Variants in TRAPPC9 observed in about 807,000 individuals in gnomAD.
The protein encoded by TRAPPC9 is IKK2 binding protein.
A neutral mutation model predicts 124.0 loss-of-function variants in TRAPPC9; 83 were observed. The observed-to-expected ratio is 0.67, with a 90% CI of 0.56 to 0.80. The LOEUF (loss-of-function observed/expected upper bound fraction) is 0.80, where lower values mean the gene tolerates loss of function less well. TRAPPC9 is among the 30% of genes least tolerant of loss of function. The pLI is 0.00. For synonymous variants in TRAPPC9, 638 were observed against 617.5 expected (o/e 1.03, Z -0.49); for missense variants, 1,302 against 1,508.3 (o/e 0.86, Z 2.27).
At chr8:139,983,855 C>T (rs1027381566) in intron 19 of TRAPPC9, among the ~76,000 whole-genome samples, 1 of 152,196 alleles carries the variant, frequency 6.6e-6, no homozygotes, top group Non-Finnish European at 1.5e-5. Context: ...GGATGTCAGA[C>T]AGACGGGGTT....
chr8:139,938,959 A>C (rs1211691358), intron 19 of TRAPPC9, among the ~76,000 whole-genome samples: 1 of 152,228 alleles, frequency 6.6e-6, no homozygotes, highest in Non-Finnish European at 1.5e-5. Context: ...TTAATTTTTT[A>C]AGGCCAAAGG....
chr8:140,104,655 A>T lies in TRAPPC9; in HGVS notation c.2557-80576T>A, dbSNP rs1213572413. ...GCGGCAGGAATGCTGCGTCACACAC[A>T]GGTGCTGTAAAAAGCTACGACACAC... On this transcript the variant is annotated intron_variant, in intron 17 of 22. Coordinates refer to ENST00000438773, the MANE Select transcript of TRAPPC9 (RefSeq NM_001160372.4). This position sits in a 1 kb window ranked among gnomAD's most constrained non-coding sequence, Gnocchi z 4.0. Among the ~76,000 whole-genome samples, 1 of 152,160 alleles carries T rather than the reference A, an allele frequency of 6.6e-6. No individual in the cohort carries two copies. Among genetic ancestry groups the T allele is most frequent in the Non-Finnish European group, 1.5e-5 (1 of 68,034 alleles).
chr8:139,828,572 T>G (rs1397628171), intron 21 of TRAPPC9, among the ~76,000 whole-genome samples: 3 of 152,208 alleles, frequency 2.0e-5, no homozygotes, highest in Non-Finnish European at 4.4e-5. Flanking sequence ...ATCCTGAGAT[T>G]TCCCGGCATG....
chr8:140,399,986 T>C (rs1395716781), intron 6 of TRAPPC9, among the ~76,000 whole-genome samples: 4 of 151,812 alleles, frequency 2.6e-5, no homozygotes, highest in Admixed American at 1.3e-4. Context: ...ATAAGTCTCA[T>C]GAGATCTGTG....
At chr8:139,983,504 C>T (rs1260529383) in intron 19 of TRAPPC9, among the ~76,000 whole-genome samples, 2 of 151,978 alleles carry the variant, frequency 1.3e-5, no homozygotes, top group African/African-American at 4.8e-5. Flanking sequence ...TTTTCTTCCA[C>T]ACCTAAATAT....
At chr8:139,797,740 AT>A (rs1823202111) in intron 21 of TRAPPC9, among the ~76,000 whole-genome samples, 1 of 152,184 alleles carries the variant, frequency 6.6e-6, no homozygotes, top group Admixed American at 6.5e-5. Flanking sequence ...TTCAAGCACC[AT>A]TTGTTGAAAA....
At chr8:140,251,948 G>C (rs11782549) in intron 16 of TRAPPC9, among the ~76,000 whole-genome samples, 15 of 152,224 alleles carry the variant, frequency 9.9e-5, no homozygotes, top group African/African-American at 3.1e-4. Flanking sequence ...TATTTTGTTA[G>C]GGGAGCCTGA....
At chr8:140,359,929 AAGAGCTGGGC>A in intron 9 of TRAPPC9, 111 bp downstream of exon 9, 1 of 1,420,942 alleles carries the variant, frequency 7.0e-7, no homozygotes. Context: ...GTCACTGACG[AAGAGCTGGGC>A]AGCATCTTCC....
chr8:139,880,804 C>T (rs1346188634), intron 21 of TRAPPC9, among the ~76,000 whole-genome samples: 1 of 152,190 alleles, frequency 6.6e-6, no homozygotes, highest in Non-Finnish European at 1.5e-5. Context: ...TGTGACACTG[C>T]AAACAGGAAA....
intron 18 of TRAPPC9, among the ~76,000 whole-genome samples, chr8:140,017,150 G>A (rs1167515709): frequency 2.0e-5 from 3 of 152,066 alleles, no homozygotes; most frequent in Admixed American, 6.6e-5. Context: ...GATACAAGAC[G>A]TTTGTTACAT....
intron 21 of TRAPPC9, among the ~76,000 whole-genome samples, chr8:139,827,607 C>A (rs1194312229): frequency 6.6e-6 from 1 of 152,178 alleles, no homozygotes; most frequent in Non-Finnish European, 1.5e-5. Context: ...TGGGGTGGTG[C>A]CAATAAGGAC....
chr8:140,134,816 T>C (rs1314625856), intron 17 of TRAPPC9, among the ~76,000 whole-genome samples: 1 of 152,186 alleles, frequency 6.6e-6, no homozygotes, highest in Non-Finnish European at 1.5e-5. Flanking sequence ...AAAACAGATA[T>C]ATTGGACTTG....
intron 19 of TRAPPC9, 141 bp downstream of exon 19, chr8:139,988,585 T>G (rs1837410445): frequency 1.5e-6 from 1 of 654,068 alleles, no homozygotes; most frequent in Non-Finnish European, 2.7e-6. Context: ...CAAACTTGAA[T>G]AGTCACTACG....
chr8:140,251,476 T>C (rs1018420337), intron 16 of TRAPPC9, among the ~76,000 whole-genome samples: 4 of 152,266 alleles, frequency 2.6e-5, no homozygotes, highest in Non-Finnish European at 5.9e-5. Context: ...TCTGTTTTTC[T>C]ACATTTGTTA....
chr8:140,180,313 T>C (rs546401907), intron 17 of TRAPPC9, among the ~76,000 whole-genome samples: 2 of 152,172 alleles, frequency 1.3e-5, no homozygotes, highest in African/African-American at 4.8e-5. Flanking sequence ...ACCTTACATA[T>C]AATGTAAGAA....
chr8:139,864,008 T>C (rs6987973), intron 21 of TRAPPC9, among the ~76,000 whole-genome samples: 94,295 of 152,034 alleles, frequency 0.62, 31,418 homozygotes, highest in African/African-American at 0.86. Flanking sequence ...CGCCCACCAG[T>C]GGGACCAATG....
At chr8:139,934,712 C>T (rs113754199) in intron 19 of TRAPPC9, among the ~76,000 whole-genome samples, 1,960 of 152,300 alleles carry the variant, frequency 0.013, 46 homozygotes, top group African/African-American at 0.045. Flanking sequence ...GGGGAAGGCG[C>T]GCCCTTCTGA....
At chr8:139,973,387 C>A (rs1836227885) in intron 19 of TRAPPC9, among the ~76,000 whole-genome samples, 1 of 152,200 alleles carries the variant, frequency 6.6e-6, no homozygotes, top group African/African-American at 2.4e-5. Context: ...TCTCAAAAAT[C>A]TCCAGTCCTG....
chr8:140,024,106 A>G, intron 17 of TRAPPC9, 27 bp from the exon 18 acceptor site: 1 of 1,610,850 alleles, frequency 6.2e-7, no homozygotes, highest in Non-Finnish European at 8.5e-7. Flanking sequence ...AAAAAAATAC[A>G]CACACACACA....
Sources: allele counts gnomAD v4.1 joint callset (sites outside exome capture counted in the v4.1 genomes callset), GRCh38; gene constraint gnomAD v4.1.1; non-coding constraint Gnocchi (gnomAD v3.1); transcripts MANE v1.5; gene names NCBI Gene and HGNC (gene_info 2026-07-23, HGNC 2026-07-21).